Variants in NXPE2 observed in about 807,000 individuals in gnomAD.
NXPE2 encodes the protein NXPE family member 2.
Under a neutral mutation model 34.4 loss-of-function variants are expected in NXPE2, and 34 were observed. The ratio of observed to expected loss-of-function variants is 0.99; its 90% confidence interval spans 0.75 to 1.31. NXPE2 has a LOEUF of 1.31. Among genes scored for constraint, NXPE2 ranks in the 40% most tolerant of loss-of-function variants. The pLI, the probability that NXPE2 is intolerant of heterozygous loss-of-function variation, is 0.00. For missense variants in NXPE2, 649 were observed against 672.5 expected, an observed-to-expected ratio of 0.97 and a Z score of 0.39; for synonymous variants, 235 against 231.3, an observed-to-expected ratio of 1.02 and a Z score of -0.15.
chr11:114,591,182 A>G, the NXPE2 span, among the ~76,000 whole-genome samples: 1 of 152,194 alleles, frequency 6.6e-6, no homozygotes, highest in Non-Finnish European at 1.5e-5. Context: ...GCACCTCTCT[A>G]TCCAGGCACA....
the NXPE2 span, among the ~76,000 whole-genome samples, chr11:114,547,463 G>A: frequency 7.2e-5 from 11 of 152,140 alleles, no homozygotes; most frequent in African/African-American, 2.2e-4. Flanking sequence ...GGCTGGGTGC[G>A]GTGGCTCACG....
chr11:114,582,458 G>A, the NXPE2 span: 4 of 1,614,166 alleles, frequency 2.5e-6, no homozygotes, highest in Non-Finnish European at 3.4e-6. Flanking sequence ...TTAGGATCAG[G>A]CCACATTCAG....
intron 2 of NXPE2, among the ~76,000 whole-genome samples, chr11:114,685,678 A>G (rs1475479691): frequency 6.6e-6 from 1 of 152,094 alleles, no homozygotes; most frequent in Non-Finnish European, 1.5e-5. Context: ...TTATTAAATA[A>G]TGAGACAACT....
At chr11:114,643,383 G>C in the NXPE2 span, among the ~76,000 whole-genome samples, 5 of 152,152 alleles carry the variant, frequency 3.3e-5, no homozygotes, top group South Asian at 1.0e-3. Context: ...TGTTTTTATA[G>C]CTTTAGGTCT....
chr11:114,722,898 G>A, the NXPE2 span, among the ~76,000 whole-genome samples: 1 of 152,132 alleles, frequency 6.6e-6, no homozygotes, highest in Non-Finnish European at 1.5e-5. Flanking sequence ...ACAGAAGCAC[G>A]TGCTAACTTT....
At chr11:114,780,645 G>A in the NXPE2 span, among the ~76,000 whole-genome samples, 20 of 152,196 alleles carry the variant, frequency 1.3e-4, no homozygotes, top group Admixed American at 3.9e-4. Context: ...GTTGCATCCT[G>A]TAAATGTAAG....
At chr11:114,504,491 C>T in the NXPE2 span, among the ~76,000 whole-genome samples, 2 of 152,154 alleles carry the variant, frequency 1.3e-5, no homozygotes, top group East Asian at 1.9e-4. Flanking sequence ...GCAGGTACCC[C>T]CACATTCTCT....
the NXPE2 span, among the ~76,000 whole-genome samples, chr11:114,617,146 C>A: frequency 1.2e-4 from 15 of 129,384 alleles, no homozygotes; most frequent in Non-Finnish European, 2.0e-4. Flanking sequence ...TAATAAGTGA[C>A]GTTTTGTGGG....
chr11:114,699,532 C>T (rs775585785), intron 3 of NXPE2, among the ~76,000 whole-genome samples: 1 of 152,120 alleles, frequency 6.6e-6, no homozygotes, highest in African/African-American at 2.4e-5. Context: ...GCCCTCTGTC[C>T]GTCAATGGAA....
At chr11:114,664,562 A>G in the NXPE2 span, among the ~76,000 whole-genome samples, 1 of 152,186 alleles carries the variant, frequency 6.6e-6, no homozygotes, top group Admixed American at 6.6e-5. Flanking sequence ...ACTGTTCTGC[A>G]CACACAGAAG....
In NXPE2 at chr11:114,678,694, C is replaced by T. The variant is rs77578036; in HGVS notation, c.26+93C>T. 4,373 of 942,098 alleles carry T rather than the reference C, an allele frequency of 4.6e-3. 117 individuals carry two copies. The African/African-American group carries it at 0.056, about 12-fold the overall frequency. 58.4% of individuals were successfully genotyped at this position (942,098 alleles called of 1,614,324 possible). Reference sequence around the variant, plus strand: ...TTGGTGTTTTTCAAATGGTGTGATGCAACCCTTTAGAGGATAGTAAAATCG... The same window carrying T: ...TTGGTGTTTTTCAAATGGTGTGATGTAACCCTTTAGAGGATAGTAAAATCG... On this transcript the variant is annotated intron_variant, in intron 1 of 5. Coordinates refer to ENST00000389586, the MANE Select transcript of NXPE2 (RefSeq NM_182495.6).
chr11:114,792,019 C>T, the NXPE2 span, among the ~76,000 whole-genome samples: 2 of 152,254 alleles, frequency 1.3e-5, no homozygotes, highest in African/African-American at 2.4e-5. Context: ...GATCGCACCA[C>T]TGCACTCCAG....
the NXPE2 span, among the ~76,000 whole-genome samples, chr11:114,733,807 A>G: frequency 1.3e-5 from 2 of 152,170 alleles, no homozygotes; most frequent in Admixed American, 6.5e-5. Context: ...CTTACCTTTA[A>G]CTTGAATTAC....
the NXPE2 span, among the ~76,000 whole-genome samples, chr11:114,505,403 T>G: frequency 2.6e-5 from 4 of 151,982 alleles, no homozygotes; most frequent in Non-Finnish European, 5.9e-5. Context: ...ACAAAAAGAT[T>G]ATCCCCAAGA....
At chr11:114,764,466 G>A in the NXPE2 span, among the ~76,000 whole-genome samples, 8 of 151,246 alleles carry the variant, frequency 5.3e-5, no homozygotes, top group South Asian at 2.1e-4. Flanking sequence ...CTGTGTGTGC[G>A]CCTCTACATA....
the NXPE2 span, among the ~76,000 whole-genome samples, chr11:114,507,097 C>T: frequency 1.3e-5 from 2 of 152,040 alleles, no homozygotes; most frequent in African/African-American, 2.4e-5. Context: ...ATAAACACCT[C>T]TATGTACATA....
chr11:114,725,978 T>A, the NXPE2 span, among the ~76,000 whole-genome samples: 43 of 118,288 alleles, frequency 3.6e-4, 2 homozygotes, highest in East Asian at 1.1e-3. Context: ...AAAAAAAAAA[T>A]ATATATATAT....
chr11:114,806,368 A>T, the NXPE2 span, among the ~76,000 whole-genome samples: 1 of 152,222 alleles, frequency 6.6e-6, no homozygotes, highest in Non-Finnish European at 1.5e-5. Flanking sequence ...GAGTTGAGAG[A>T]AGGCAGCTTC....
chr11:114,746,293 A>G, the NXPE2 span, among the ~76,000 whole-genome samples: 1 of 152,132 alleles, frequency 6.6e-6, no homozygotes, highest in African/African-American at 2.4e-5. Context: ...TCATGGTACT[A>G]TCTTTATTTC....
Sources: allele counts gnomAD v4.1 joint callset (sites outside exome capture counted in the v4.1 genomes callset), GRCh38; gene constraint gnomAD v4.1.1; transcripts MANE v1.5; gene names NCBI Gene and HGNC (gene_info 2026-07-23, HGNC 2026-07-21).